UNC5CL: variants seen among roughly 807,000 people sequenced by gnomAD.
UNC5CL encodes unc-5 family C-terminal like.
Under a neutral mutation model 54.1 loss-of-function variants are expected in UNC5CL, and 42 were observed. That is an observed-to-expected ratio of 0.78 (90% CI 0.61 to 1.00). The LOEUF is 1.00. Ranked by LOEUF, UNC5CL falls within the 50% of genes least tolerant of loss-of-function variation. UNC5CL has a pLI of 0.00. For missense variants in UNC5CL, 619 were observed against 675.6 expected (o/e 0.92, Z 0.93); for synonymous variants, 285 against 285.1 (o/e 1.00, Z 0.00).
intron 1 of UNC5CL, among the ~76,000 whole-genome samples, chr6:41,038,136 G>A (rs1762544392): frequency 6.6e-6 from 1 of 152,116 alleles, no homozygotes; most frequent in Non-Finnish European, 1.5e-5. Context: ...TTTTCCCCAA[G>A]TATCTTCCTT....
chr6:41,031,953 G>T, intron 5 of UNC5CL, 83 bp downstream of exon 5: 1 of 1,428,270 alleles, frequency 7.0e-7, no homozygotes, highest in Non-Finnish European at 9.8e-7. Context: ...GGTCTGCAGA[G>T]CTCCAGGGTT....
intron 4 of UNC5CL, among the ~76,000 whole-genome samples, chr6:41,032,633 C>T (rs1019744600): frequency 6.6e-6 from 1 of 152,198 alleles, no homozygotes; most frequent in Admixed American, 6.5e-5. Context: ...TGGTGGTGGG[C>T]ACCTGTAATT....
Position 41,028,700 on chromosome 6 carries a change from A to C in UNC5CL, c.1335-105T>G. On this transcript the variant is annotated intron_variant, in intron 8 of 8. Coordinates refer to ENST00000244565, the MANE Select transcript of UNC5CL (RefSeq NM_173561.3). This position sits in a 1 kb window ranked among gnomAD's most constrained non-coding sequence, Gnocchi z 4.3. ...GCAGCGCAAGGTCCGTCCCTTCCCC[A>C]TCCTGTAGCTTTTGTCCTTGTCCTG... 1 of 1,076,070 alleles carries C rather than the reference A, an allele frequency of 9.3e-7. No individual in the cohort carries two copies. Among genetic ancestry groups the C allele is most frequent in the Non-Finnish European group, 1.3e-6 (1 of 755,286 alleles). 66.7% of individuals were successfully genotyped at this position (1,076,070 alleles called of 1,614,324 possible).
In UNC5CL at chr6:41,026,945, A is replaced by G. The variant is rs1762395209; in HGVS notation, c.*1428T>C. 6.6e-6 allele frequency: 1 copy of G among 151,018 alleles called. No homozygotes were observed. The highest frequency in any genetic ancestry group is 2.1e-4 in the South Asian group (1 of 4,838). The allele number at this position is 151,018 out of a possible 1,614,324, so 9.4% of individuals were successfully genotyped here. On this transcript the variant is annotated 3_prime_UTR_variant, in exon 9 of 9. Transcript: ENST00000244565. ...GCTTTAATATTTTTTAATTAAATACAGAAGAAAATTGTGTTGCCAGAGAGA... is the reference window on the plus strand; with the variant it reads ...GCTTTAATATTTTTTAATTAAATACGGAAGAAAATTGTGTTGCCAGAGAGA...
At chr6:41,038,733 C>T (rs920984645) in intron 1 of UNC5CL, among the ~76,000 whole-genome samples, 1 of 152,170 alleles carries the variant, frequency 6.6e-6, no homozygotes, top group Non-Finnish European at 1.5e-5. Flanking sequence ...CTTTAGAATG[C>T]TGCCATCACC....
chr6:41,038,132 C>G (rs1335162577), intron 1 of UNC5CL, among the ~76,000 whole-genome samples: 1 of 152,164 alleles, frequency 6.6e-6, no homozygotes, highest in Non-Finnish European at 1.5e-5. Context: ...CTTCTTTTCC[C>G]CAAGTATCTT....
chr6:41,031,939 T>G, intron 5 of UNC5CL, 97 bp downstream of exon 5: 1 of 1,326,406 alleles, frequency 7.5e-7, no homozygotes, highest in Non-Finnish European at 1.1e-6. Context: ...CATGGCTGCA[T>G]GGGGGTCTGC....
intron 1 of UNC5CL, among the ~76,000 whole-genome samples, chr6:41,035,937 G>A (rs1762518551): frequency 6.6e-6 from 1 of 152,140 alleles, no homozygotes; most frequent in African/African-American, 2.4e-5. Flanking sequence ...TGATCTACAA[G>A]TGCTGATACA....
rs76933898 is a variant in UNC5CL, at chr6:41,034,758, C to G, written c.317G>C (p.Arg106Pro). Residue 106 changes from arginine (R) to proline (P), a missense_variant, in exon 2 of 9, where the codon CGA (arginine) becomes CCA (proline). Transcript: ENST00000244565. Reference protein sequence around the residue: ...LMHKLLVFSAREVDHRGGCLM... With the variant: ...LMHKLLVFSAPEVDHRGGCLM... ...GCAACCGCCGCGGTGATCCACCTCT[C>G]GAGCCGAAAACACCAACAGTTTGTG... 1.9e-6 allele frequency: 3 copies of G among 1,612,738 alleles called. No homozygotes were observed. In the African/African-American group the frequency reaches 4.0e-5, roughly 22 times the overall value.
rs1292450751 is a variant in UNC5CL, at chr6:41,032,257, T to A, written c.950-120A>T. 7.5e-6 allele frequency: 6 copies of A among 798,282 alleles called. No homozygotes were observed. The East Asian group carries it at 1.6e-4, about 21-fold the overall frequency. 49.4% of individuals were successfully genotyped at this position (798,282 alleles called of 1,614,324 possible). A position where few individuals can be genotyped will look rare whatever the true frequency, so the allele number is the denominator to read the frequency against. Reference sequence around the variant, plus strand: ...CAGGAGGGTCTCAAGGGAATGGGAATCCCCAGAGCCTGGGCTGGGACCCCA... The same window carrying A: ...CAGGAGGGTCTCAAGGGAATGGGAAACCCCAGAGCCTGGGCTGGGACCCCA... On this transcript the variant is annotated intron_variant, in intron 4 of 8. Transcript: ENST00000244565.
intron 6 of UNC5CL, 106 bp downstream of exon 6, chr6:41,031,575 A>G: frequency 6.2e-6 from 7 of 1,120,942 alleles, no homozygotes; most frequent in Non-Finnish European, 9.5e-6. Flanking sequence ...TGCCATCTTT[A>G]CCTATGTGAT....
chr6:41,038,376 A>T (rs1403198342), intron 1 of UNC5CL, among the ~76,000 whole-genome samples: 1 of 152,028 alleles, frequency 6.6e-6, no homozygotes, highest in African/African-American at 2.4e-5. Flanking sequence ...CAAAGACCAG[A>T]GTCCAGATCC....
rs149486195 is a variant in UNC5CL, at chr6:41,030,707, C to T, written c.1168G>A (p.Glu390Lys). The T allele has an allele frequency of 6.2e-7, 1 of 1,613,980 alleles. No individual in the cohort carries two copies. Among genetic ancestry groups the T allele is most frequent in the African/African-American group, 1.3e-5 (1 of 74,904 alleles). ...GGTGGTGGCGCTGCCCAGGATTCCT[C>T]CTCTGATGCCTGGAATCTGAGGATT... ...MEILRFQASE[E>K]ESWAAPPPVS... The change falls in exon 7 of 9, where the codon GAG becomes AAG. Residue 390 changes from glutamate to lysine, a missense_variant. Glu to Lys is a moderately conservative substitution (Grantham distance 56). Transcript: ENST00000244565.
Position 41,034,925 on chromosome 6 carries a change from C to G in UNC5CL, c.150G>C (p.Glu50Asp). The G allele has an allele frequency of 1.9e-6, 3 of 1,614,168 alleles. No homozygotes were observed. The highest frequency in any genetic ancestry group is 2.5e-6 in the Non-Finnish European group (3 of 1,180,002). The change falls in exon 2 of 9, where the codon GAG becomes GAC. Residue 50 changes from glutamate (E) to aspartate (D), a missense_variant. Glu to Asp is a conservative substitution (Grantham distance 45). Transcript: ENST00000244565. ...LGACWTLNGQ[E>D]EPVSQPTPQL... ...GGGGGGTAGGCTGGGACACTGGTTC[C>G]TCTTGACCATTCAGTGTCCAGCAGG...
At chr6:41,031,831 T>TTA (rs1042986016) in intron 5 of UNC5CL, 83 bp from the exon 6 acceptor site, 19 of 1,464,064 alleles carry the variant, frequency 1.3e-5, no homozygotes, top group Non-Finnish European at 1.8e-5. Context: ...GACTCTATAG[T>TTA]AAGACTTGGG....
Position 41,028,141 on chromosome 6 carries a change from G to C in UNC5CL, c.*232C>G. On this transcript the variant is annotated 3_prime_UTR_variant, in exon 9 of 9. Transcript: ENST00000244565. The surrounding 1 kb of genome is among the most constrained non-coding windows in gnomAD (Gnocchi z 4.3). ...GCTGGCCACGCTGAGGCCATCTCCT[G>C]GGCTCCTGCGCCCTCTGCCGGCCAG... 1.8e-6 allele frequency: 1 copy of C among 556,906 alleles called. No individual in the cohort carries two copies. Among genetic ancestry groups the C allele is most frequent in the South Asian group, 2.3e-5 (1 of 44,296 alleles). 34.5% of individuals were successfully genotyped at this position (556,906 alleles called of 1,614,324 possible).
chr6:41,036,054 A>C (rs1284651689), intron 1 of UNC5CL, among the ~76,000 whole-genome samples: 2 of 152,282 alleles, frequency 1.3e-5, no homozygotes, highest in Admixed American at 1.3e-4. Flanking sequence ...TTATGGGTGC[A>C]TATATGGAAA....
chr6:41,028,674 C>T lies in UNC5CL; in HGVS notation c.1335-79G>A, dbSNP rs1762418064. 3 of 1,413,882 alleles carry T rather than the reference C, an allele frequency of 2.1e-6. No homozygotes were observed. Among genetic ancestry groups the T allele is most frequent in the Non-Finnish European group, 1.9e-6 (2 of 1,031,356 alleles). The allele number at this position is 1,413,882 out of a possible 1,614,324, so 87.6% of individuals were successfully genotyped here. A position where few individuals can be genotyped will look rare whatever the true frequency, so the allele number is the denominator to read the frequency against. On this transcript the variant is annotated intron_variant, in intron 8 of 8. Coordinates refer to ENST00000244565, the MANE Select transcript of UNC5CL (RefSeq NM_173561.3). The surrounding 1 kb of genome is among the most constrained non-coding windows in gnomAD (Gnocchi z 4.3). ...CCCCTGCTGCAGGCTCCCTGGGCTG[C>T]GCAGCGCAAGGTCCGTCCCTTCCCC...
Position 41,028,945 on chromosome 6 carries a change from C to CCTCACCCTAGT in UNC5CL, c.1335-351_1335-350insACTAGGGTGAG, listed in dbSNP as rs1762422690. Among the ~76,000 whole-genome samples the CCTCACCCTAGT allele has an allele frequency of 6.8e-6, 1 of 146,778 alleles. No individual in the cohort carries two copies. The highest frequency in any genetic ancestry group is 2.5e-5 in the African/African-American group (1 of 39,224). ...TCCCCCACTCCAAATACACCCCTAG[C>CCTCACCCTAGT]CTCCCCCTAGCCTCCTAACTCCCTC... On this transcript the variant is annotated intron_variant, in intron 8 of 8. Transcript: ENST00000244565. This position sits in a 1 kb window ranked among gnomAD's most constrained non-coding sequence, Gnocchi z 4.3.
Sources: gnomAD v4.1 joint callset for allele counts (sites outside exome capture counted in the v4.1 genomes callset) on GRCh38, gnomAD v4.1.1 for gene constraint, Gnocchi (gnomAD v3.1) non-coding constraint, MANE v1.5 for transcripts, NCBI Gene and HGNC (gene_info 2026-07-23, HGNC 2026-07-21) for gene names.